Variants in MECOM observed in about 807,000 individuals in gnomAD.
MECOM encodes the protein MDS1 and EVI1 complex locus, also known as histone-lysine N-methyltransferase MECOM.
In MECOM, 13 loss-of-function variants were observed where a neutral mutation model predicts 116.3. The observed-to-expected ratio is 0.11, with a 90% CI of 0.07 to 0.18. MECOM has a LOEUF of 0.18. Among genes scored for constraint, MECOM ranks in the 10% least tolerant of loss-of-function variants. MECOM has a pLI of 1.00. For missense variants in MECOM, 1,299 were observed against 1,509.0 expected (o/e 0.86, Z 2.31); for synonymous variants, 528 against 535.2 (o/e 0.99, Z 0.19).
At chr3:169,101,744 G>A (rs1303549701) in intron 11 of MECOM, among the ~76,000 whole-genome samples, 1 of 152,120 alleles carries the variant, frequency 6.6e-6, no homozygotes, top group Non-Finnish European at 1.5e-5. Context: ...GACAGTAGTA[G>A]TATACCTTTA....
intron 1 of MECOM, among the ~76,000 whole-genome samples, chr3:169,486,010 A>G (rs1316617034): frequency 1.6e-5 from 2 of 128,520 alleles, no homozygotes; most frequent in Non-Finnish European, 1.6e-5. Flanking sequence ...TATATACTAT[A>G]TATATATGTA....
At chr3:169,643,038 G>C (rs1042299499) in intron 1 of MECOM, among the ~76,000 whole-genome samples, 1 of 152,064 alleles carries the variant, frequency 6.6e-6, no homozygotes, top group East Asian at 1.9e-4. Flanking sequence ...GGCTGCAAAG[G>C]AGAGCAAAAA....
At chr3:169,341,777 T>C (rs1481329192) in intron 2 of MECOM, among the ~76,000 whole-genome samples, 5 of 151,600 alleles carry the variant, frequency 3.3e-5, no homozygotes, top group African/African-American at 1.2e-4. Flanking sequence ...AACCTACTGT[T>C]TGATAGCACA....
intron 1 of MECOM, among the ~76,000 whole-genome samples, chr3:169,487,095 G>GA (rs145230350): frequency 0.025 from 3,713 of 149,788 alleles, 124 homozygotes; most frequent in African/African-American, 0.076. Flanking sequence ...AAAACTAATT[G>GA]AAAAAAAAGA....
chr3:169,244,518 CACTT>C (rs1287792493), intron 2 of MECOM, among the ~76,000 whole-genome samples: 2 of 152,206 alleles, frequency 1.3e-5, no homozygotes, highest in Non-Finnish European at 2.9e-5. Flanking sequence ...TTCTCCTTCT[CACTT>C]ACTAAATTTT....
chr3:169,638,663 A>G (rs1395950030), intron 1 of MECOM, among the ~76,000 whole-genome samples: 1 of 152,214 alleles, frequency 6.6e-6, no homozygotes, highest in East Asian at 1.9e-4. Context: ...GGCCTGCCTG[A>G]CATTAAGACC....
At chr3:169,646,406 T>A (rs1774193668) in intron 1 of MECOM, among the ~76,000 whole-genome samples, 1 of 151,984 alleles carries the variant, frequency 6.6e-6, no homozygotes, top group South Asian at 2.1e-4. Flanking sequence ...GGCCGATGTA[T>A]ACATATGTAA....
chr3:169,438,498 A>G (rs2108596812), intron 1 of MECOM, among the ~76,000 whole-genome samples: 1 of 152,350 alleles, frequency 6.6e-6, no homozygotes, highest in Non-Finnish European at 1.5e-5. Context: ...ACTCTAGATC[A>G]GCACAGCTGA....
intron 1 of MECOM, among the ~76,000 whole-genome samples, chr3:169,492,820 C>T (rs756097059): frequency 5.2e-4 from 79 of 152,108 alleles, no homozygotes; most frequent in African/African-American, 1.6e-3. Flanking sequence ...ATTAGCCAGG[C>T]GTGGTGGTGA....
chr3:169,460,189 A>G (rs965663596), intron 1 of MECOM, among the ~76,000 whole-genome samples: 1 of 152,194 alleles, frequency 6.6e-6, no homozygotes, highest in Non-Finnish European at 1.5e-5. Context: ...CAAAAATTGT[A>G]AAAGATAAGT....
Position 169,549,059 on chromosome 3 carries a change from C to T in MECOM, c.37+114277G>A, listed in dbSNP as rs148371704. On this transcript the variant is annotated intron_variant, in intron 1 of 16. Transcript: ENST00000651503. ...CACGATCTCAGCTCACTGCAACCTCCGCCTCCCGGGTTCAAGTGATTCTCC... is the reference window on the plus strand; with the variant it reads ...CACGATCTCAGCTCACTGCAACCTCTGCCTCCCGGGTTCAAGTGATTCTCC... Among the ~76,000 whole-genome samples the T allele has an allele frequency of 9.2e-3, 1,396 of 151,288 alleles. 16 individuals are homozygous for T. The highest frequency in any genetic ancestry group is 0.029 in the South Asian group (138 of 4,764).
chr3:169,522,435 T>C (rs1757463503), intron 1 of MECOM, among the ~76,000 whole-genome samples: 2 of 151,934 alleles, frequency 1.3e-5, no homozygotes, highest in Non-Finnish European at 1.5e-5. Flanking sequence ...GACCCATTAT[T>C]GATATAATAA....
At chr3:169,356,801 G>A (rs1283513572) in intron 2 of MECOM, among the ~76,000 whole-genome samples, 1 of 151,914 alleles carries the variant, frequency 6.6e-6, no homozygotes, top group Non-Finnish European at 1.5e-5. Flanking sequence ...ACAAAGAAAT[G>A]TGAATACCTC....
chr3:169,431,519 C>T (rs1357110479), intron 1 of MECOM, among the ~76,000 whole-genome samples: 2 of 152,048 alleles, frequency 1.3e-5, no homozygotes, highest in African/African-American at 4.8e-5. Context: ...CCAAATGGTA[C>T]CACAAGAAAA....
chr3:169,284,821 T>A (rs1187898636), intron 2 of MECOM, among the ~76,000 whole-genome samples: 1 of 152,186 alleles, frequency 6.6e-6, no homozygotes, highest in Non-Finnish European at 1.5e-5. Flanking sequence ...TATCATATAA[T>A]TTCTCATGTT....
intron 1 of MECOM, among the ~76,000 whole-genome samples, chr3:169,498,771 T>C (rs1019751241): frequency 3.3e-5 from 5 of 152,228 alleles, no homozygotes; most frequent in Non-Finnish European, 5.9e-5. Flanking sequence ...GGGAAACCTA[T>C]ACAAAGAAAT....
At chr3:169,172,229 A>G (rs909141177) in intron 2 of MECOM, among the ~76,000 whole-genome samples, 1 of 152,014 alleles carries the variant, frequency 6.6e-6, no homozygotes, top group Non-Finnish European at 1.5e-5. Flanking sequence ...TAATATAATC[A>G]TGCTATCTCC....
At chr3:169,191,598 AGAAC>A (rs1385566102) in intron 2 of MECOM, among the ~76,000 whole-genome samples, 1 of 151,346 alleles carries the variant, frequency 6.6e-6, no homozygotes, top group Non-Finnish European at 1.5e-5. Context: ...GAAGAAAGAA[AGAAC>A]GAAGGAAGGA....
intron 4 of MECOM, among the ~76,000 whole-genome samples, chr3:169,130,383 T>C (rs950997402): frequency 3.3e-5 from 5 of 152,148 alleles, no homozygotes; most frequent in African/African-American, 4.8e-5. Context: ...ACCAGGCTAA[T>C]TGGGAACTCT....
Sources: gnomAD v4.1 joint callset for allele counts (sites outside exome capture counted in the v4.1 genomes callset) on GRCh38, gnomAD v4.1.1 for gene constraint, MANE v1.5 for transcripts, NCBI Gene and HGNC (gene_info 2026-07-23, HGNC 2026-07-21) for gene names.